The following HSPA12B variants were observed in gnomAD, a reference collection of about 807,000 sequenced individuals.
HSPA12B encodes heat shock protein family A (Hsp70) member 12B.
HSPA12B carries 54 observed loss-of-function variants against 69.3 expected under a neutral mutation model. The observed-to-expected ratio is 0.78, with a 90% CI of 0.63 to 0.98. The LOEUF (loss-of-function observed/expected upper bound fraction) is 0.98. Ranked by LOEUF, HSPA12B falls within the 50% of genes least tolerant of loss-of-function variation. The pLI is 0.00. For synonymous variants in HSPA12B, 441 were observed against 436.5 expected (o/e 1.01, Z -0.13); for missense variants, 929 against 999.8 (o/e 0.93, Z 0.96).
chr20:3,745,611 C>T lies in HSPA12B; in HGVS notation c.558+14C>T, dbSNP rs1399479091. The T allele has an allele frequency of 8.1e-6, 13 of 1,607,666 alleles. No homozygotes were observed. Among genetic ancestry groups the T allele is most frequent in the Admixed American group, 1.7e-5 (1 of 59,972 alleles). On this transcript the variant is annotated intron_variant, in intron 6 of 12. Coordinates refer to ENST00000254963, the MANE Select transcript of HSPA12B (RefSeq NM_052970.5). The surrounding 1 kb of genome is among the most constrained non-coding windows in gnomAD (Gnocchi z 5.6). ...CACGCCCTTCAGGTGCGCTGCGGCCCCACCTCTGCCGACTGTGGCAGGGAC... is the reference window on the plus strand; with the variant it reads ...CACGCCCTTCAGGTGCGCTGCGGCCTCACCTCTGCCGACTGTGGCAGGGAC...
chr20:3,749,884 AGCGCGACCCGGGCTCCGGCCCCGCCACT>A lies in HSPA12B; in HGVS notation c.1042+33_1043-55del, dbSNP rs1282215325. The A allele has an allele frequency of 6.4e-7, 1 of 1,556,732 alleles. No individual in the cohort carries two copies. The highest frequency in any genetic ancestry group is 8.7e-7 in the Non-Finnish European group (1 of 1,149,740). ...GTAGCCAGGCGGCGCCCCGGTACCCAGCGCGACCCGGGCTCCGGCCCCGCCACTGCCCCCTGGCGGCCCGGCGAGCGCT... is the reference window on the plus strand; with the variant it reads ...GTAGCCAGGCGGCGCCCCGGTACCCAGCCCCCTGGCGGCCCGGCGAGCGCT... On this transcript the variant is annotated intron_variant, in intron 10 of 12. Transcript: ENST00000254963. The surrounding 1 kb of genome is among the most constrained non-coding windows in gnomAD (Gnocchi z 5.5).
At chr20:3,750,361 TCGGGGTGGGGCGG>T in intron 11 of HSPA12B, 134 bp downstream of exon 11, 1 of 1,024,568 alleles carries the variant, frequency 9.8e-7, no homozygotes, top group Middle Eastern at 3.2e-4. Flanking sequence ...CAGCAGGGCG[TCGGGGTGGGGCGG>T]CGGGGAGCGG....
In HSPA12B at chr20:3,751,821, C is replaced by T. The variant is rs1319306245; in HGVS notation, c.1716C>T (p.Asp572=). The change falls in exon 13 of 13, where the codon GAC becomes GAT. Residue 572 remains aspartate, a synonymous_variant. Coordinates refer to ENST00000254963, the MANE Select transcript of HSPA12B (RefSeq NM_052970.5). Reference sequence around the variant, plus strand: ...GCGACGGCCGCCGCTGGTGCACCGACGTCTTCGAGCGCTTCGTGGCCGCCG... The same window carrying T: ...GCGACGGCCGCCGCTGGTGCACCGATGTCTTCGAGCGCTTCGTGGCCGCCG... The part of the protein sequence containing the change: ...LVRDGRRWCT[D]VFERFVAAEQ... 4 of 1,533,570 alleles carry T rather than the reference C, an allele frequency of 2.6e-6. No homozygotes were observed. The highest frequency in any genetic ancestry group is 3.5e-6 in the Non-Finnish European group (4 of 1,146,032). 95.0% of individuals were successfully genotyped at this position (1,533,570 alleles called of 1,614,324 possible). A position where few individuals can be genotyped will look rare whatever the true frequency, so the allele number is the denominator to read the frequency against.
Position 3,744,922 on chromosome 20 carries a change from C to T in HSPA12B, c.287C>T (p.Pro96Leu). The change falls in exon 5 of 13, where the codon CCG (proline) becomes CTG (leucine). Residue 96 changes from proline to leucine, a missense_variant. This residue lies in a region of HSPA12B where 477 missense variants were observed against 535.2 expected (regional missense o/e 0.89). Transcript: ENST00000254963. The surrounding 1 kb of genome is among the most constrained non-coding windows in gnomAD (Gnocchi z 4.9). ...CGCAGGAAATGGGAGGGCGGAGACC[C>T]GGGCGTGGCCCACCAGAAGACCCCG... is the stretch of plus-strand genomic sequence containing the variant. ...HMMRKWEGGD[P>L]GVAHQKTPTC... The T allele has an allele frequency of 6.2e-7, 1 of 1,613,036 alleles. No individual in the cohort carries two copies. The highest frequency in any genetic ancestry group is 8.5e-7 in the Non-Finnish European group (1 of 1,179,956).
chr20:3,752,957 T>G lies in HSPA12B; in HGVS notation c.*791T>G, dbSNP rs1342146598. The G allele has an allele frequency of 6.5e-6, 1 of 153,630 alleles. No individual in the cohort carries two copies. Among genetic ancestry groups the G allele is most frequent in the African/African-American group, 2.4e-5 (1 of 41,430 alleles). 9.5% of individuals were successfully genotyped at this position (153,630 alleles called of 1,614,324 possible). A position where few individuals can be genotyped will look rare whatever the true frequency, so the allele number is the denominator to read the frequency against. On this transcript the variant is annotated 3_prime_UTR_variant, in exon 13 of 13. Transcript: ENST00000254963. Reference sequence around the variant, plus strand: ...ATGAGGGGTGGTCCCAGCTCTGCTATTGACTCGGTATGCCTTTAGGACATT... The same window carrying G: ...ATGAGGGGTGGTCCCAGCTCTGCTAGTGACTCGGTATGCCTTTAGGACATT...
chr20:3,749,972 G>A lies in HSPA12B; in HGVS notation c.1046G>A (p.Gly349Asp). ...TLKELYKASGGPYGAVGVDLA... is the reference protein window; with the variant it reads ...TLKELYKASGDPYGAVGVDLA... ...TTCGCCCCCTGCTCCACCCCAGGGG[G>A]CCCTTATGGCGCGGTGGGCGTGGAC... The change falls in exon 11 of 13, where the codon GGC becomes GAC. Residue 349 changes from glycine to aspartate, a missense_variant. By Grantham distance (94) the Gly-to-Asp change is moderately conservative. Around this residue, in one of 3 missense-constraint regions of HSPA12B, gnomAD observed 477 missense variants for 535.2 expected, o/e 0.89. Transcript: ENST00000254963. This position sits in a 1 kb window ranked among gnomAD's most constrained non-coding sequence, Gnocchi z 5.5. The A allele has an allele frequency of 6.4e-7, 1 of 1,563,886 alleles. No homozygotes were observed. Among genetic ancestry groups the A allele is most frequent in the Non-Finnish European group, 8.7e-7 (1 of 1,153,494 alleles).
chr20:3,733,412 C>T (rs1329151519), intron 1 of HSPA12B, among the ~76,000 whole-genome samples: 2 of 152,040 alleles, frequency 1.3e-5, no homozygotes, highest in South Asian at 2.1e-4. Flanking sequence ...GGAGAGCAGA[C>T]GCAGCGCAGG....
In HSPA12B at chr20:3,751,860, C is replaced by T; in HGVS notation, c.1755C>T (p.Ala585=). The T allele has an allele frequency of 1.9e-6, 3 of 1,551,488 alleles. No individual in the cohort carries two copies. Among genetic ancestry groups the T allele is most frequent in the Non-Finnish European group, 2.6e-6 (3 of 1,154,322 alleles). ...TCGTGGCCGCCGAGCAGTCGGTGGC[C>T]CTGGGCGAGGAGGTGCGGCGCAGCT... is the stretch of plus-strand genomic sequence containing the variant. ...ERFVAAEQSV[A]LGEEVRRSYC... The change falls in exon 13 of 13, where the codon GCC becomes GCT. Residue 585 remains alanine (A), a synonymous_variant. Transcript: ENST00000254963.
In HSPA12B at chr20:3,751,971, C is replaced by T. The variant is rs762099355; in HGVS notation, c.1866C>T (p.Pro622=). The T allele has an allele frequency of 1.9e-6, 3 of 1,578,576 alleles. No individual in the cohort carries two copies. The highest frequency in any genetic ancestry group is 2.3e-5 in the East Asian group (1 of 43,218). The change falls in exon 13 of 13, where the codon CCC becomes CCT. Residue 622 remains proline, a synonymous_variant. Coordinates refer to ENST00000254963, the MANE Select transcript of HSPA12B (RefSeq NM_052970.5). ...AAEDARFITD[P]GVRKCGALSL... is the part of the protein sequence containing the mutation. ...AGGATGCGCGCTTCATCACCGACCC[C>T]GGCGTGCGCAAATGCGGCGCGCTCA...
Position 3,751,867 on chromosome 20 carries a change from G to A in HSPA12B, c.1762G>A (p.Glu588Lys), listed in dbSNP as rs1424237009. The A allele has an allele frequency of 1.9e-6, 3 of 1,557,800 alleles. No individual in the cohort carries two copies. The highest frequency in any genetic ancestry group is 2.6e-6 in the Non-Finnish European group (3 of 1,157,400). The change falls in exon 13 of 13, where the codon GAG becomes AAG. Residue 588 changes from glutamate to lysine, a missense_variant. Physicochemically the swap from Glu to Lys is moderately conservative, Grantham distance 56. This residue lies in a region of HSPA12B where 448 missense variants were observed against 448.1 expected (regional missense o/e 1.00). Coordinates refer to ENST00000254963, the MANE Select transcript of HSPA12B (RefSeq NM_052970.5). ...CGCCGAGCAGTCGGTGGCCCTGGGC[G>A]AGGAGGTGCGGCGCAGCTACTGCCC... ...VAAEQSVALG[E>K]EVRRSYCPAR...
intron 1 of HSPA12B, among the ~76,000 whole-genome samples, chr20:3,735,027 C>T (rs1207987889): frequency 6.6e-6 from 1 of 152,094 alleles, no homozygotes; most frequent in Admixed American, 6.5e-5. Context: ...CATGAGCCAC[C>T]ACACCCAGCC....
Position 3,749,946 on chromosome 20 carries a change from C to A in HSPA12B, c.1043-23C>A. On this transcript the variant is annotated intron_variant, in intron 10 of 12. Coordinates refer to ENST00000254963, the MANE Select transcript of HSPA12B (RefSeq NM_052970.5). This position sits in a 1 kb window ranked among gnomAD's most constrained non-coding sequence, Gnocchi z 5.5. ...GCGGCCCGGCGAGCGCTGACGCCCT[C>A]TTCGCCCCCTGCTCCACCCCAGGGG... The A allele has an allele frequency of 6.4e-7, 1 of 1,550,530 alleles. No individual in the cohort carries two copies. Among genetic ancestry groups the A allele is most frequent in the African/African-American group, 1.4e-5 (1 of 73,700 alleles).
Position 3,749,927 on chromosome 20 carries a change from C to A in HSPA12B, c.1043-42C>A. On this transcript the variant is annotated intron_variant, in intron 10 of 12. Transcript: ENST00000254963. The surrounding 1 kb of genome is among the most constrained non-coding windows in gnomAD (Gnocchi z 5.5). ...GCCCCGCCACTGCCCCCTGGCGGCC[C>A]GGCGAGCGCTGACGCCCTCTTCGCC... is the stretch of plus-strand genomic sequence containing the variant. 1 of 1,546,232 alleles carries A rather than the reference C, an allele frequency of 6.5e-7. No homozygotes were observed. The highest frequency in any genetic ancestry group is 2.4e-5 in the East Asian group (1 of 42,006).
At position 3,744,943 on chromosome 20, in the gene HSPA12B, C is replaced by A; in HGVS notation, c.308C>A (p.Thr103Asn). ...GGDPGVAHQK[T>N]PTCLLLTPEG... ...GACCCGGGCGTGGCCCACCAGAAGA[C>A]CCCGACCTGCCTGCTGCTGACTCCG... is the stretch of plus-strand genomic sequence containing the variant. Residue 103 changes from threonine to asparagine, a missense_variant, in exon 5 of 13, where the codon ACC (threonine) becomes AAC (asparagine). Physicochemically the swap from Thr to Asn is moderately conservative, Grantham distance 65. This residue lies in a region of HSPA12B where 477 missense variants were observed against 535.2 expected (regional missense o/e 0.89). Coordinates refer to ENST00000254963, the MANE Select transcript of HSPA12B (RefSeq NM_052970.5). The surrounding 1 kb of genome is among the most constrained non-coding windows in gnomAD (Gnocchi z 4.9). 6.2e-7 allele frequency: 1 copy of A among 1,613,714 alleles called. No homozygotes were observed. The highest frequency in any genetic ancestry group is 1.1e-5 in the South Asian group (1 of 91,080).
Position 3,744,135 on chromosome 20 carries a change from A to C in HSPA12B, c.267-767A>C, listed in dbSNP as rs2088255515. ...AGCTCTCAACCCAGACTGGGATGGGAGGTAAGAGGGGCTTCCCAAGGCCTG... is the reference window on the plus strand; with the variant it reads ...AGCTCTCAACCCAGACTGGGATGGGCGGTAAGAGGGGCTTCCCAAGGCCTG... On this transcript the variant is annotated intron_variant, in intron 4 of 12. Coordinates refer to ENST00000254963, the MANE Select transcript of HSPA12B (RefSeq NM_052970.5). This position sits in a 1 kb window ranked among gnomAD's most constrained non-coding sequence, Gnocchi z 4.9. 1.3e-5 allele frequency among the ~76,000 whole-genome samples: 2 copies of C among 152,058 alleles called. No homozygotes were observed. The highest frequency in any genetic ancestry group is 2.4e-5 in the African/African-American group (1 of 41,396).
In HSPA12B at chr20:3,753,080, G is replaced by A. The variant is rs1018478370; in HGVS notation, c.*914G>A. On this transcript the variant is annotated 3_prime_UTR_variant, in exon 13 of 13. Transcript: ENST00000254963. The stretch of plus-strand genomic sequence containing the variant: ...AGCCCCACCTGCCTGAGAGCCCTGA[G>A]GTGACAATAAAACATTTATGCTCAA... The A allele has an allele frequency of 6.5e-6, 1 of 153,114 alleles. No homozygotes were observed. Among genetic ancestry groups the A allele is most frequent in the Non-Finnish European group, 1.5e-5 (1 of 68,076 alleles). The allele number at this position is 153,114 out of a possible 1,614,324, so 9.5% of individuals were successfully genotyped here. A position where few individuals can be genotyped will look rare whatever the true frequency, so the allele number is the denominator to read the frequency against.
rs1421325717 is a variant in HSPA12B, at chr20:3,752,298, G to C, written c.*132G>C. Reference sequence around the variant, plus strand: ...CGCCTTTCCACGCCCTCCAGCCCCGGGGGAGATAAGGTCATGGGAGAGTGG... The same window carrying C: ...CGCCTTTCCACGCCCTCCAGCCCCGCGGGAGATAAGGTCATGGGAGAGTGG... On this transcript the variant is annotated 3_prime_UTR_variant, in exon 13 of 13. Coordinates refer to ENST00000254963, the MANE Select transcript of HSPA12B (RefSeq NM_052970.5). 1.1e-6 allele frequency: 1 copy of C among 875,924 alleles called. No individual in the cohort carries two copies. Among genetic ancestry groups the C allele is most frequent in the Non-Finnish European group, 1.6e-6 (1 of 617,960 alleles). 54.3% of individuals were successfully genotyped at this position (875,924 alleles called of 1,614,324 possible). A position where few individuals can be genotyped will look rare whatever the true frequency, so the allele number is the denominator to read the frequency against.
At position 3,745,193 on chromosome 20, in the gene HSPA12B, G is replaced by A. The variant is rs1477434380; in HGVS notation, c.453+105G>A. ...CAAAACGTGTGAGGACCGGCCCGAT[G>A]GAGTCGTGGCTGAGAGGGGGCGGGG... On this transcript the variant is annotated intron_variant, in intron 5 of 12. Transcript: ENST00000254963. This position sits in a 1 kb window ranked among gnomAD's most constrained non-coding sequence, Gnocchi z 5.6. The A allele has an allele frequency of 9.3e-7, 1 of 1,080,554 alleles. No individual in the cohort carries two copies. Among genetic ancestry groups the A allele is most frequent in the Non-Finnish European group, 1.3e-6 (1 of 741,612 alleles). 66.9% of individuals were successfully genotyped at this position (1,080,554 alleles called of 1,614,324 possible).
In HSPA12B at chr20:3,749,325, G is replaced by T. The variant is rs2088366073; in HGVS notation, c.937+7G>T. On this transcript the variant is annotated splice_region_variant and intron_variant, in intron 9 of 12. Coordinates refer to ENST00000254963, the MANE Select transcript of HSPA12B (RefSeq NM_052970.5). The surrounding 1 kb of genome is among the most constrained non-coding windows in gnomAD (Gnocchi z 5.5). ...TGGGCAGAGATGCAAGCAGGTAGGG[G>T]GAAAGGGGGACGGAGTGTTATCCTT... 6.2e-7 allele frequency: 1 copy of T among 1,611,604 alleles called. No individual in the cohort carries two copies. The highest frequency in any genetic ancestry group is 1.7e-5 in the Admixed American group (1 of 59,854).
Sources: allele counts gnomAD v4.1 joint callset (sites outside exome capture counted in the v4.1 genomes callset), GRCh38; gene constraint gnomAD v4.1.1; regional missense constraint gnomAD v4.1.1; non-coding constraint Gnocchi (gnomAD v3.1); transcripts MANE v1.5; gene names NCBI Gene and HGNC (gene_info 2026-07-23, HGNC 2026-07-21).